Variants in CELA3A observed in about 807,000 individuals in gnomAD.
CELA3A encodes the protein chymotrypsin-like elastase family member 3A.
A neutral mutation model predicts 38.6 loss-of-function variants in CELA3A; 35 were observed. The ratio of observed to expected loss-of-function variants is 0.91; its 90% CI spans 0.69 to 1.20. The LOEUF (loss-of-function observed/expected upper bound fraction) is 1.20, where lower values mean the gene tolerates loss of function less well. Among genes scored for constraint, CELA3A ranks in the 50% most tolerant of loss-of-function variants. The probability of loss-of-function intolerance (pLI) is 0.00; values close to 1 mark genes in which losing one functional copy is unlikely to be tolerated. For synonymous variants in CELA3A, 143 were observed against 136.7 expected (o/e 1.05, Z -0.32); for missense variants, 343 against 354.2 (o/e 0.97, Z 0.25).
chr1:22,004,740 A>G (rs1644938422), intron 2 of CELA3A, among the ~76,000 whole-genome samples: 1 of 151,334 alleles, frequency 6.6e-6, no homozygotes, highest in Non-Finnish European at 1.5e-5. Context: ...GAAGAGAGGC[A>G]AAGAACTCAT....
At chr1:22,007,548 T>A (rs1368646061) in intron 6 of CELA3A, 33 bp downstream of exon 6, 1 of 1,597,356 alleles carries the variant, frequency 6.3e-7, no homozygotes, top group East Asian at 2.3e-5. Context: ...GAGGTGGTGC[T>A]GGGTGTGCAG....
rs1311960217 is a variant in CELA3A at position 22,007,445 on chromosome 1, G to A, written c.572G>A (p.Trp191Ter). The A allele has an allele frequency of 2.5e-6, 4 of 1,612,608 alleles. No individual in the cohort carries two copies. The East Asian group carries it at 6.7e-5, about 27-fold the overall frequency. Reference sequence around the variant, plus strand: ...GTGGACTATAAGCACTGCTCCAGGTGGAACTGGTGGGGTTCCACCGTGAAG... The same window carrying A: ...GTGGACTATAAGCACTGCTCCAGGTAGAACTGGTGGGGTTCCACCGTGAAG... ...PVVDYKHCSR[W>*]NWWGSTVKKT... Residue 191 changes from tryptophan (W) to a stop codon, truncating the protein, a stop_gained, in exon 6 of 8, where the codon TGG (tryptophan) becomes TAG (stop). Transcript: ENST00000290122. LOFTEE classifies it high-confidence loss of function.
intron 2 of CELA3A, among the ~76,000 whole-genome samples, 153 bp from the exon 3 acceptor site, chr1:22,005,294 G>C (rs1456743875): frequency 6.6e-6 from 1 of 151,732 alleles, no homozygotes; most frequent in Non-Finnish European, 1.5e-5. Context: ...TGCCCAGGTC[G>C]CAGGTTGTAT....
intron 5 of CELA3A, 79 bp downstream of exon 5, chr1:22,007,093 A>G: frequency 6.4e-7 from 1 of 1,566,144 alleles, no homozygotes; most frequent in South Asian, 1.2e-5. Flanking sequence ...TGAAGGTAAC[A>G]CCAAGACCGG....
chr1:22,008,473 A>AT (rs558556648), intron 6 of CELA3A, among the ~76,000 whole-genome samples: 1 of 150,684 alleles, frequency 6.6e-6, no homozygotes, highest in Non-Finnish European at 1.5e-5. Context: ...AGAAAAAAAA[A>AT]CAAAGGCTGG....
intron 6 of CELA3A, among the ~76,000 whole-genome samples, chr1:22,008,555 C>T (rs1400817231): frequency 3.3e-5 from 5 of 150,318 alleles, no homozygotes; most frequent in Non-Finnish European, 5.9e-5. Flanking sequence ...GTCAGGAGAT[C>T]GAGATCATCC....
At chr1:22,009,258 G>T (rs1327305010) in intron 6 of CELA3A, among the ~76,000 whole-genome samples, 1 of 151,490 alleles carries the variant, frequency 6.6e-6, no homozygotes, top group Admixed American at 6.6e-5. Context: ...CAGCTACTTG[G>T]GAGGCTGAGG....
At chr1:22,007,149 A>T in intron 5 of CELA3A, 135 bp downstream of exon 5, 3 of 1,432,682 alleles carry the variant, frequency 2.1e-6, no homozygotes, top group Non-Finnish European at 2.8e-6. Context: ...GCCTTCTTCC[A>T]TCAACCTCCA....
At position 22,009,220 on chromosome 1, in the gene CELA3A, C is replaced by T. The variant is rs1002614220; in HGVS notation, c.643-485C>T. 1.7e-4 allele frequency among the ~76,000 whole-genome samples: 26 copies of T among 151,274 alleles called. 1 individual carries two copies. Among genetic ancestry groups the T allele is most frequent in the East Asian group, 9.7e-4 (5 of 5,142 alleles). ...CTCTACGAAAAATACAAAAATTAGC[C>T]GGGCGTGGTAGTGGGCACCTATAGT... On this transcript the variant is annotated intron_variant, in intron 6 of 7. Transcript: ENST00000290122.
At position 22,005,663 on chromosome 1, in the gene CELA3A, A is replaced by G. The variant is rs1284457842; in HGVS notation, c.229A>G (p.Arg77Gly). The G allele has an allele frequency of 6.2e-7, 1 of 1,612,222 alleles. No individual in the cohort carries two copies. The highest frequency in any genetic ancestry group is 8.5e-7 in the Non-Finnish European group (1 of 1,179,430). The change falls in exon 4 of 8, where the codon AGG becomes GGG. Residue 77 changes from arginine (R) to glycine (G), a missense_variant and splice_region_variant. Coordinates refer to ENST00000290122, the MANE Select transcript of CELA3A (RefSeq NM_005747.5). ...GACTGACCTCACCTCTGCCTGCAGG[A>G]GGGATCTGACCTACCAGGTGGTGTT... ...WVVTAGHCISRDLTYQVVLGE... is the reference protein window; with the variant it reads ...WVVTAGHCISGDLTYQVVLGE...
At chr1:22,012,185 A>T (rs570715813) in intron 7 of CELA3A, among the ~76,000 whole-genome samples, 1 of 128,900 alleles carries the variant, frequency 7.8e-6, no homozygotes, top group Non-Finnish European at 1.6e-5. Context: ...ATACACACAC[A>T]TGCATATACA....
At chr1:22,004,065 T>G (rs1271710216) in intron 2 of CELA3A, among the ~76,000 whole-genome samples, 1 of 121,524 alleles carries the variant, frequency 8.2e-6, no homozygotes, top group African/African-American at 3.8e-5. Context: ...TCTTTTCTTT[T>G]CTTTTCTTTG....
At position 22,012,118 on chromosome 1, in the gene CELA3A, T is replaced by C. The variant is rs1182860624; in HGVS notation, c.796-332T>C. 3.1e-5 allele frequency among the ~76,000 whole-genome samples: 4 copies of C among 127,650 alleles called. 1 individual carries two copies. Among genetic ancestry groups the C allele is most frequent in the South Asian group, 2.4e-4 (1 of 4,196 alleles). The allele number at this position is 127,650 out of a possible 152,430, so 83.7% of individuals were successfully genotyped here. On this transcript the variant is annotated intron_variant, in intron 7 of 7. Coordinates refer to ENST00000290122, the MANE Select transcript of CELA3A (RefSeq NM_005747.5). Reference sequence around the variant, plus strand: ...ATACACATACATACGTATATATATATACACAAACACATACGTATATATACA... The same window carrying C: ...ATACACATACATACGTATATATATACACACAAACACATACGTATATATACA...
intron 1 of CELA3A, 24 bp downstream of exon 1, chr1:22,001,741 G>C (rs370223698): frequency 6.2e-7 from 1 of 1,611,400 alleles, no homozygotes; most frequent in Non-Finnish European, 8.5e-7. Context: ...CTGTCTGTGT[G>C]CTCCCTGGGC....
At position 22,003,438 on chromosome 1, in the gene CELA3A, A is replaced by G. The variant is rs577673519; in HGVS notation, c.129+350A>G. On this transcript the variant is annotated intron_variant, in intron 2 of 7. Coordinates refer to ENST00000290122, the MANE Select transcript of CELA3A (RefSeq NM_005747.5). ...GATACTACAGGGCTTTGAGGTCTGA[A>G]AGCAATAAGGGAGTGAGGGATCTTG... 1.6e-4 allele frequency among the ~76,000 whole-genome samples: 24 copies of G among 151,150 alleles called. 2 individuals are homozygous for G. The highest frequency in any genetic ancestry group is 5.9e-4 in the African/African-American group (24 of 40,824).
chr1:22,009,812 C>T lies in CELA3A; in HGVS notation c.750C>T (p.Pro250=), dbSNP rs9187. Residue 250 remains proline, a synonymous_variant, in exon 7 of 8, where the codon CCC becomes CCT. Transcript: ENST00000290122. ...SAFGCNFIWK[P]TVFTRVSAFI... is the part of the protein sequence containing the mutation. ...TTGGCTGCAACTTCATCTGGAAGCC[C>T]ACGGTGTTCACTCGAGTCTCCGCCT... The T allele has an allele frequency of 0.24, 385,766 of 1,601,594 alleles. 47,192 individuals carry two copies. Among genetic ancestry groups the T allele is most frequent in the Admixed American group, 0.42 (24,419 of 58,804 alleles).
chr1:22,002,735 G>A, intron 1 of CELA3A: 1 of 481,432 alleles, frequency 2.1e-6, no homozygotes, highest in Non-Finnish European at 3.8e-6. Context: ...TCGAGGGCCA[G>A]GCATTGTTCT....
chr1:22,007,123 T>C lies in CELA3A; in HGVS notation c.499+109T>C. 4.0e-6 allele frequency: 6 copies of C among 1,491,754 alleles called. No homozygotes were observed. The South Asian group carries it at 6.5e-5, about 16-fold the overall frequency. The allele number at this position is 1,491,754 out of a possible 1,614,324, so 92.4% of individuals were successfully genotyped here. ...GACCGGACCTTGTACTTTTCTCCCA[T>C]TTCTCTCCAGCTGCAGCCTTCTTCC... On this transcript the variant is annotated intron_variant, in intron 5 of 7. Coordinates refer to ENST00000290122, the MANE Select transcript of CELA3A (RefSeq NM_005747.5).
rs541314162 is a variant in CELA3A at position 22,006,769 on chromosome 1, G to T, written c.363-109G>T. The T allele has an allele frequency of 7.2e-6, 10 of 1,383,134 alleles. No homozygotes were observed. In the East Asian group the frequency reaches 1.2e-4, roughly 16 times the overall value. 85.7% of individuals were successfully genotyped at this position (1,383,134 alleles called of 1,614,324 possible). A position where few individuals can be genotyped will look rare whatever the true frequency, so the allele number is the denominator to read the frequency against. On this transcript the variant is annotated intron_variant, in intron 4 of 7. Coordinates refer to ENST00000290122, the MANE Select transcript of CELA3A (RefSeq NM_005747.5). ...GATGATGAAAGAGTGGATTTGGAGG[G>T]TAAAGAAGTTGGGGCATCTCAGAGG...
Sources: gnomAD v4.1 joint callset for allele counts (sites outside exome capture counted in the v4.1 genomes callset) on GRCh38, gnomAD v4.1.1 for gene constraint, MANE v1.5 for transcripts, NCBI Gene and HGNC (gene_info 2026-07-23, HGNC 2026-07-21) for gene names.